The following LRRC9 variants were observed in gnomAD, a reference collection of about 807,000 sequenced individuals.
LRRC9 encodes leucine-rich repeat-containing protein 9.
LRRC9 carries 122 observed loss-of-function variants against 63.2 expected under a neutral mutation model. The ratio of observed to expected loss-of-function variants is 1.93; its 90% confidence interval spans 1.67 to 2.24. The LOEUF (loss-of-function observed/expected upper bound fraction) is 2.24. Ranked by LOEUF, LRRC9 falls within the 30% of genes most tolerant of loss-of-function variation. The pLI, the probability that LRRC9 is intolerant of heterozygous loss-of-function variation, is 0.00. For synonymous variants in LRRC9, 366 were observed against 213.1 expected, an observed-to-expected ratio of 1.72 and a Z score of -6.25; for missense variants, 1,071 against 627.7, an observed-to-expected ratio of 1.71 and a Z score of -7.55.
chr14:60,009,786 T>C (rs1890112221), intron 23 of LRRC9, among the ~76,000 whole-genome samples: 1 of 152,044 alleles, frequency 6.6e-6, no homozygotes, highest in Admixed American at 6.5e-5. Context: ...AGGCATTGGG[T>C]AAATACACCC....
intron 10 of LRRC9, among the ~76,000 whole-genome samples, 180 bp downstream of exon 10, chr14:59,961,225 G>A (rs911328152): frequency 9.2e-5 from 14 of 151,962 alleles, no homozygotes; most frequent in Admixed American, 5.9e-4. Context: ...CCTACTTTCC[G>A]CCTATACATT....
chr14:60,009,326 C>T (rs1187407038), intron 23 of LRRC9, among the ~76,000 whole-genome samples: 1 of 152,142 alleles, frequency 6.6e-6, no homozygotes, highest in African/African-American at 2.4e-5. Context: ...GGAGGCCTCA[C>T]AATCATAGTG....
Position 60,054,704 on chromosome 14 carries a change from T to G in LRRC9, c.4131+1499T>G, listed in dbSNP as rs1316467000. Among the ~76,000 whole-genome samples, 3 of 152,212 alleles carry G rather than the reference T, an allele frequency of 2.0e-5. No homozygotes were observed. In the South Asian group the frequency reaches 6.2e-4, roughly 32 times the overall value. Reference sequence around the variant, plus strand: ...GGTCCTTCATCAAAAGATTGATGAATGCATGTACTTTTAAATATTTTATTT... The same window carrying G: ...GGTCCTTCATCAAAAGATTGATGAAGGCATGTACTTTTAAATATTTTATTT... On this transcript the variant is annotated intron_variant, in intron 30 of 31. Transcript: ENST00000445360.
At chr14:60,039,492 G>A (rs1408176004) in intron 29 of LRRC9, among the ~76,000 whole-genome samples, 1 of 152,154 alleles carries the variant, frequency 6.6e-6, no homozygotes, top group East Asian at 1.9e-4. Context: ...TTAGTCTTGG[G>A]AGGGTGTGTG....
intron 8 of LRRC9, among the ~76,000 whole-genome samples, chr14:59,955,128 G>A (rs1883595553): frequency 6.6e-6 from 1 of 152,162 alleles, no homozygotes; most frequent in South Asian, 2.1e-4. Context: ...TCTCTGCCAG[G>A]TTTTGGTATC....
chr14:60,056,997 A>G (rs1894333084), intron 30 of LRRC9, among the ~76,000 whole-genome samples: 1 of 152,210 alleles, frequency 6.6e-6, no homozygotes, highest in South Asian at 2.1e-4. Context: ...AGAAACTCCC[A>G]TAAAGGAATT....
At chr14:60,062,310 A>G (rs75939210) in intron 31 of LRRC9, 131 bp downstream of exon 32, 7,663 of 391,416 alleles carry the variant, frequency 0.02, 508 homozygotes, top group East Asian at 0.18. Context: ...ACTAGAAAAA[A>G]CTGTCAGATA....
intron 1 of LRRC9, among the ~76,000 whole-genome samples, chr14:59,920,996 CAA>C (rs1888724894): frequency 6.6e-6 from 1 of 152,144 alleles, no homozygotes; most frequent in Admixed American, 6.5e-5. Flanking sequence ...AAGTGCTATA[CAA>C]AGAGTATGTG....
chr14:59,959,877 T>C, exon 9 of LRRC9: 1 of 697,568 alleles, frequency 1.4e-6, no homozygotes. Flanking sequence ...ATGGATCCAA[T>C]AACAGTAAAG....
chr14:59,993,477 G>A (rs1485992770), intron 17 of LRRC9, among the ~76,000 whole-genome samples: 1 of 152,166 alleles, frequency 6.6e-6, no homozygotes, highest in Non-Finnish European at 1.5e-5. Context: ...AAACTTAAAT[G>A]TAAATGGGCT....
chr14:59,953,202 T>G (rs1883362939), intron 8 of LRRC9, among the ~76,000 whole-genome samples: 1 of 152,256 alleles, frequency 6.6e-6, no homozygotes, highest in South Asian at 2.1e-4. Context: ...TCAAATGTTA[T>G]TTCTGGTTCT....
intron 29 of LRRC9, among the ~76,000 whole-genome samples, chr14:60,044,629 T>C (rs1893252104): frequency 6.6e-6 from 1 of 152,252 alleles, no homozygotes; most frequent in Non-Finnish European, 1.5e-5. Flanking sequence ...TTTCTAGTTT[T>C]ATTCCATTGT....
intron 8 of LRRC9, among the ~76,000 whole-genome samples, chr14:59,948,052 T>C (rs1354919432): frequency 1.4e-5 from 2 of 138,454 alleles, no homozygotes; most frequent in African/African-American, 2.8e-5. Context: ...AAGAAAGTCA[T>C]TGGTAGCTTG....
intron 31 of LRRC9, among the ~76,000 whole-genome samples, chr14:60,059,656 C>T (rs553626964): frequency 6.6e-6 from 1 of 152,316 alleles, no homozygotes; most frequent in South Asian, 2.1e-4. Flanking sequence ...AAGCCAAAGC[C>T]TAATCCAGAG....
intron 19 of LRRC9, among the ~76,000 whole-genome samples, chr14:60,000,494 T>G (rs1415137245): frequency 2.0e-5 from 3 of 152,074 alleles, no homozygotes; most frequent in Non-Finnish European, 2.9e-5. Flanking sequence ...CTAAAATCCT[T>G]TAAGACAATG....
At chr14:59,999,040 C>A in intron 18 of LRRC9, 61 bp from the exon 19 acceptor site, 1 of 558,538 alleles carries the variant, frequency 1.8e-6, no homozygotes, top group South Asian at 2.5e-5. Flanking sequence ...TGAAAACAGT[C>A]ATTTTCATGC....
intron 19 of LRRC9, among the ~76,000 whole-genome samples, chr14:59,999,914 C>A (rs1275982481): frequency 6.6e-6 from 1 of 152,000 alleles, no homozygotes; most frequent in South Asian, 2.1e-4. Context: ...AATAGAACTA[C>A]CATTCCACTC....
intron 12 of LRRC9, 49 bp downstream of exon 12, chr14:59,967,262 G>A: frequency 1.9e-6 from 1 of 522,602 alleles, no homozygotes. Flanking sequence ...AGCAAGTGGA[G>A]CTCTGCCGCT....
intron 22 of LRRC9, 116 bp downstream of exon 22, chr14:60,006,733 G>A: frequency 1.9e-6 from 1 of 528,112 alleles, no homozygotes; most frequent in East Asian, 3.1e-5. Flanking sequence ...ATAAAAATAA[G>A]AATAACAAGT....
Sources: gnomAD v4.1 joint callset for allele counts (sites outside exome capture counted in the v4.1 genomes callset) on GRCh38, gnomAD v4.1.1 for gene constraint, MANE v1.5 for transcripts, NCBI Gene and HGNC (gene_info 2026-07-23, HGNC 2026-07-21) for gene names.